Variants in FBXO39 observed in about 807,000 individuals in gnomAD.
The protein encoded by FBXO39 is F-box only protein 39.
In FBXO39, 22 loss-of-function variants were observed where a neutral mutation model predicts 36.6. The observed-to-expected ratio is 0.60, with a 90% CI of 0.43 to 0.86. The LOEUF is 0.86. Among genes scored for constraint, FBXO39 ranks in the 40% least tolerant of loss-of-function variants. The pLI is 0.00. For missense variants in FBXO39, 536 were observed against 543.9 expected (o/e 0.99, Z 0.14); for synonymous variants, 206 against 205.8 (o/e 1.00, Z -0.01).
intron 2 of FBXO39, among the ~76,000 whole-genome samples, chr17:6,783,305 A>G (rs917364252): frequency 3.9e-5 from 6 of 152,222 alleles, no homozygotes; most frequent in African/African-American, 1.4e-4. Flanking sequence ...GCCTACATCA[A>G]AAAAGAAGAA....
At chr17:6,783,331 A>G (rs1976531218) in intron 2 of FBXO39, among the ~76,000 whole-genome samples, 1 of 152,076 alleles carries the variant, frequency 6.6e-6, no homozygotes, top group Admixed American at 6.5e-5. Flanking sequence ...TCAAATAAAC[A>G]TTCTAATGAC....
rs1976577165 is a variant in FBXO39 at position 6,786,766 on chromosome 17, T to C, written c.1024-14T>C. ...CTCTGCCCACACACATCTTCCCTTT[T>C]GGTGCTCTTCCAGAAATTAACTTGT... is the stretch of plus-strand genomic sequence containing the variant. On this transcript the variant is annotated splice_polypyrimidine_tract_variant and intron_variant, in intron 2 of 3. Coordinates refer to ENST00000321535, the MANE Select transcript of FBXO39 (RefSeq NM_153230.3). 2 of 1,589,126 alleles carry C rather than the reference T, an allele frequency of 1.3e-6. No individual in the cohort carries two copies. Among genetic ancestry groups the C allele is most frequent in the Non-Finnish European group, 8.6e-7 (1 of 1,167,798 alleles).
At chr17:6,786,678 T>C (rs917388226) in intron 2 of FBXO39, 102 bp from the exon 3 acceptor site, 5 of 943,252 alleles carry the variant, frequency 5.3e-6, no homozygotes, top group South Asian at 1.8e-5. Flanking sequence ...CAAATCATCA[T>C]GGCTATCAGG....
chr17:6,787,365 G>A lies in FBXO39; in HGVS notation c.1266G>A (p.Arg422=). The change falls in exon 4 of 4, where the codon AGG becomes AGA. Residue 422 remains arginine (R), a synonymous_variant. Coordinates refer to ENST00000321535, the MANE Select transcript of FBXO39 (RefSeq NM_153230.3). ...EEDKTLQEIY[R]KYRKLIESEL... is the part of the protein sequence containing the mutation. ...ACAAGACCCTGCAGGAAATTTACAGGAAGTACAGAAAGCTGATCGAATCAG... is the reference window on the plus strand; with the variant it reads ...ACAAGACCCTGCAGGAAATTTACAGAAAGTACAGAAAGCTGATCGAATCAG... The A allele has an allele frequency of 6.2e-7, 1 of 1,614,080 alleles. No individual in the cohort carries two copies. The highest frequency in any genetic ancestry group is 1.3e-5 in the African/African-American group (1 of 75,030).
Position 6,780,879 on chromosome 17 carries a change from G to T in FBXO39, c.1011G>T (p.Arg337=), listed in dbSNP as rs749572801. Reference sequence around the variant, plus strand: ...TGATAGATCTCCTGCCCACCTTCCGGCACACTCTGCAGGTAGGTAGGACTT... The same window carrying T: ...TGATAGATCTCCTGCCCACCTTCCGTCACACTCTGCAGGTAGGTAGGACTT... ...PTLIDLLPTF[R]HTLQKLTCEF... is the part of the protein sequence containing the mutation. The change falls in exon 2 of 4, where the codon CGG becomes CGT. Residue 337 remains arginine, a synonymous_variant. Transcript: ENST00000321535. 4 of 1,610,702 alleles carry T rather than the reference G, an allele frequency of 2.5e-6. No homozygotes were observed. The highest frequency in any genetic ancestry group is 2.5e-6 in the Non-Finnish European group (3 of 1,179,574).
At position 6,780,459 on chromosome 17, in the gene FBXO39, G is replaced by C; in HGVS notation, c.591G>C (p.Glu197Asp). The change falls in exon 2 of 4, where the codon GAG becomes GAC. Residue 197 changes from glutamate to aspartate, a missense_variant. Transcript: ENST00000321535. ...SYMRNENVIS[E>D]LNIEDYFSHH... ...TGAGGAATGAGAATGTGATCTCAGA[G>C]CTCAACATCGAGGACTATTTCAGCC... 6.2e-7 allele frequency: 1 copy of C among 1,614,116 alleles called. No individual in the cohort carries two copies.
intron 2 of FBXO39, among the ~76,000 whole-genome samples, chr17:6,782,348 GGAAGGAAGAAAA>G (rs1271409626): frequency 6.6e-6 from 1 of 152,022 alleles, no homozygotes; most frequent in Non-Finnish European, 1.5e-5. Flanking sequence ...AAGGAACACA[GGAAGGAAGAAAA>G]GAAGGAAGAG....
chr17:6,782,195 TGTTAA>T (rs1050294675), intron 2 of FBXO39, among the ~76,000 whole-genome samples: 16 of 152,226 alleles, frequency 1.1e-4, no homozygotes, highest in African/African-American at 3.6e-4. Context: ...TATGCAATAG[TGTTAA>T]GTTGTCATCA....
chr17:6,782,069 A>G (rs1209600984), intron 2 of FBXO39, among the ~76,000 whole-genome samples: 1 of 152,272 alleles, frequency 6.6e-6, no homozygotes, highest in African/African-American at 2.4e-5. Context: ...CAACTTTTCA[A>G]GACATAGACA....
In FBXO39 at chr17:6,780,095, A is replaced by G. The variant is rs1294244730; in HGVS notation, c.227A>G (p.Glu76Gly). The G allele has an allele frequency of 1.2e-6, 2 of 1,614,186 alleles. No homozygotes were observed. The highest frequency in any genetic ancestry group is 3.3e-5 in the Admixed American group (2 of 60,028). ...RPSRVHASEV[E>G]SAVWYVKKFG... ...TCCAGGGTACATGCATCTGAAGTTGAGTCAGCTGTTTGGTATGTTAAGAAG... is the reference window on the plus strand; with the variant it reads ...TCCAGGGTACATGCATCTGAAGTTGGGTCAGCTGTTTGGTATGTTAAGAAG... The change falls in exon 2 of 4, where the codon GAG becomes GGG. Residue 76 changes from glutamate to glycine, a missense_variant. Coordinates refer to ENST00000321535, the MANE Select transcript of FBXO39 (RefSeq NM_153230.3).
intron 2 of FBXO39, among the ~76,000 whole-genome samples, chr17:6,784,022 T>C (rs928049548): frequency 6.6e-6 from 1 of 152,052 alleles, no homozygotes; most frequent in Admixed American, 6.6e-5. Flanking sequence ...CAACAAATTA[T>C]TGGCAAACCA....
intron 2 of FBXO39, among the ~76,000 whole-genome samples, chr17:6,782,594 CG>C (rs1388326286): frequency 1.3e-5 from 2 of 151,714 alleles, no homozygotes; most frequent in African/African-American, 2.4e-5. Context: ...TATTTAATGC[CG>C]ATGGAAACCA....
chr17:6,783,284 T>C (rs1269496307), intron 2 of FBXO39, among the ~76,000 whole-genome samples: 1 of 152,078 alleles, frequency 6.6e-6, no homozygotes, highest in Non-Finnish European at 1.5e-5. Context: ...GGGAAGTTTA[T>C]AGCTATAAGC....
chr17:6,776,773 C>T (rs1976422119), intron 1 of FBXO39, among the ~76,000 whole-genome samples: 1 of 152,130 alleles, frequency 6.6e-6, no homozygotes, highest in Admixed American at 6.5e-5. Flanking sequence ...TCACTTAATC[C>T]TCCCAACACT....
At chr17:6,781,801 A>G (rs1976511649) in intron 2 of FBXO39, among the ~76,000 whole-genome samples, 1 of 152,206 alleles carries the variant, frequency 6.6e-6, no homozygotes, top group African/African-American at 2.4e-5. Flanking sequence ...CCTTATCTAA[A>G]AAGCCCCCAA....
At chr17:6,786,389 T>C (rs1280248906) in intron 2 of FBXO39, among the ~76,000 whole-genome samples, 1 of 152,024 alleles carries the variant, frequency 6.6e-6, no homozygotes, top group Non-Finnish European at 1.5e-5. Context: ...GGATGGCTAA[T>C]GGGTACAAAA....
At chr17:6,787,182 G>A in intron 3 of FBXO39, 118 bp from the exon 4 acceptor site, 1 of 1,468,948 alleles carries the variant, frequency 6.8e-7, no homozygotes, top group Non-Finnish European at 9.1e-7. Context: ...TGTATGTGTA[G>A]ATCATTTAAG....
Position 6,780,146 on chromosome 17 carries a change from A to G in FBXO39, c.278A>G (p.Glu93Gly). ...KKFGRYLEHL[E>G]VKFMNPYNAV... is the part of the protein sequence containing the mutation. The stretch of plus-strand genomic sequence containing the variant: ...TTTGGTCGTTATCTGGAGCACCTGG[A>G]GGTCAAATTCATGAATCCTTACAAT... Residue 93 changes from glutamate to glycine, a missense_variant, in exon 2 of 4, where the codon GAG becomes GGG. Physicochemically the swap from Glu to Gly is moderately conservative, Grantham distance 98. Transcript: ENST00000321535. 6.2e-7 allele frequency: 1 copy of G among 1,614,182 alleles called. No individual in the cohort carries two copies. Among genetic ancestry groups the G allele is most frequent in the Non-Finnish European group, 8.5e-7 (1 of 1,180,028 alleles).
chr17:6,785,067 A>T (rs1382283373), intron 2 of FBXO39, among the ~76,000 whole-genome samples: 3 of 149,572 alleles, frequency 2.0e-5, no homozygotes, highest in Non-Finnish European at 4.4e-5. Context: ...ACAGAGCTAT[A>T]GTCACTAAAA....
Sources: allele counts gnomAD v4.1 joint callset (sites outside exome capture counted in the v4.1 genomes callset), GRCh38; gene constraint gnomAD v4.1.1; transcripts MANE v1.5; gene names NCBI Gene and HGNC (gene_info 2026-07-23, HGNC 2026-07-21).